Variants in ITGA11 observed in about 807,000 individuals in gnomAD.
ITGA11 encodes integrin subunit alpha 11.
ITGA11 carries 97 observed loss-of-function variants against 141.9 expected under a neutral mutation model. The ratio of observed to expected loss-of-function variants is 0.68; its 90% CI spans 0.58 to 0.81. The LOEUF (loss-of-function observed/expected upper bound fraction) is 0.81, where lower values mean the gene tolerates loss of function less well. Ranked by LOEUF, ITGA11 falls within the 30% of genes least tolerant of loss-of-function variation. ITGA11 has a pLI of 0.00. For missense variants in ITGA11, 1,387 were observed against 1,559.2 expected (o/e 0.89, Z 1.86); for synonymous variants, 658 against 624.6 (o/e 1.05, Z -0.80).
Position 68,357,173 on chromosome 15 carries a change from C to A in ITGA11, c.727G>T (p.Ala243Ser). The change falls in exon 7 of 30, where the codon GCA becomes TCA. Residue 243 changes from alanine (A) to serine (S), a missense_variant. Transcript: ENST00000315757. ...TACCGTGCAAATTCAATGCCAAATG[C>A]CGTCCGGGTCTCTGTTCCTCCTCTC... ...EQRGGTETRT[A>S]FGIEFARSEA... 1 of 1,613,106 alleles carries A rather than the reference C, an allele frequency of 6.2e-7. No homozygotes were observed.
In ITGA11 at chr15:68,364,938, G is replaced by C. The variant is rs531185413; in HGVS notation, c.266-140C>G. Reference sequence around the variant, plus strand: ...CCTCTGGCTCTCAGGGTTTACAAAGGCCTTCCCCAGACGTACTCTCAGGAC... The same window carrying C: ...CCTCTGGCTCTCAGGGTTTACAAAGCCCTTCCCCAGACGTACTCTCAGGAC... On this transcript the variant is annotated intron_variant, in intron 3 of 29. Transcript: ENST00000315757. 6.3e-5 allele frequency: 57 copies of C among 905,022 alleles called. No individual in the cohort carries two copies. The African/African-American group carries it at 8.6e-4, about 14-fold the overall frequency. The allele number at this position is 905,022 out of a possible 1,614,324, so 56.1% of individuals were successfully genotyped here. A position where few individuals can be genotyped will look rare whatever the true frequency, so the allele number is the denominator to read the frequency against.
intron 13 of ITGA11, 25 bp from the exon 14 acceptor site, chr15:68,332,087 G>C (rs1233743054): frequency 1.3e-6 from 2 of 1,557,708 alleles, no homozygotes; most frequent in South Asian, 1.2e-5. Flanking sequence ...GCAGAAAAAG[G>C]CTGGGGAGGG....
chr15:68,370,071 G>A (rs1895541382), intron 2 of ITGA11, among the ~76,000 whole-genome samples: 1 of 152,172 alleles, frequency 6.6e-6, no homozygotes, highest in South Asian at 2.1e-4. Context: ...CCAGAAGCTG[G>A]AAGAACCAAG....
intron 3 of ITGA11, chr15:68,365,132 C>A: frequency 1.0e-6 from 1 of 985,294 alleles, no homozygotes; most frequent in East Asian, 1.1e-4. Context: ...CCCAAGCATG[C>A]CATGGCATCC....
chr15:68,396,707 A>G (rs1191488583), intron 2 of ITGA11, among the ~76,000 whole-genome samples: 1 of 150,944 alleles, frequency 6.6e-6, no homozygotes, highest in Non-Finnish European at 1.5e-5. Flanking sequence ...GAAATAATAA[A>G]TGACTTTAGT....
At chr15:68,338,400 C>T (rs1894442134) in intron 11 of ITGA11, among the ~76,000 whole-genome samples, 1 of 152,262 alleles carries the variant, frequency 6.6e-6, no homozygotes. Context: ...GTCCTGCTTA[C>T]CACGGCACTT....
In ITGA11 at chr15:68,348,814, T is replaced by C. The variant is rs768815185; in HGVS notation, c.1131+16A>G. 6.2e-7 allele frequency: 1 copy of C among 1,601,714 alleles called. No individual in the cohort carries two copies. Among genetic ancestry groups the C allele is most frequent in the African/African-American group, 1.3e-5 (1 of 74,752 alleles). The stretch of plus-strand genomic sequence containing the variant: ...AGACAGAGGCTGGGCTCTGTGCCCG[T>C]ACCTCCACCACATACCTCCACCACG... On this transcript the variant is annotated intron_variant, in intron 10 of 29. Coordinates refer to ENST00000315757, the MANE Select transcript of ITGA11 (RefSeq NM_001004439.2).
intron 1 of ITGA11, among the ~76,000 whole-genome samples, chr15:68,417,708 A>G (rs1896919963): frequency 6.6e-6 from 1 of 152,144 alleles, no homozygotes. Context: ...TCTGTTCCTC[A>G]GATACACCAA....
Position 68,423,479 on chromosome 15 carries a change from A to G in ITGA11, c.52+8536T>C, listed in dbSNP as rs1023278401. ...TTAAGAAACTAAGAAGCTCAGTCTC[A>G]TTGGGGCTGCTGTTGGCGTGTGCAG... On this transcript the variant is annotated intron_variant, in intron 1 of 29. Transcript: ENST00000315757. 2.0e-5 allele frequency among the ~76,000 whole-genome samples: 3 copies of G among 152,296 alleles called. No individual in the cohort carries two copies. The South Asian group carries it at 6.2e-4, about 32-fold the overall frequency.
At chr15:68,422,492 A>G (rs1474214653) in intron 1 of ITGA11, among the ~76,000 whole-genome samples, 1 of 151,992 alleles carries the variant, frequency 6.6e-6, no homozygotes, top group African/African-American at 2.4e-5. Context: ...TGCAGTAGCC[A>G]TCTTATCATT....
chr15:68,325,183 G>A lies in ITGA11; in HGVS notation c.2270C>T (p.Pro757Leu). ...TFSVEYSLED[P>L]DHGPMLDDGW... ...GTCGTCCAGCATGGGGCCATGGTCA[G>A]GGTCCTCCAGGGAATACTCGACTGA... The change falls in exon 18 of 30, where the codon CCT becomes CTT. Residue 757 changes from proline (P) to leucine (L), a missense_variant. Coordinates refer to ENST00000315757, the MANE Select transcript of ITGA11 (RefSeq NM_001004439.2). The surrounding 1 kb of genome is among the most constrained non-coding windows in gnomAD (Gnocchi z 5.5). 1 of 1,613,992 alleles carries A rather than the reference G, an allele frequency of 6.2e-7. No homozygotes were observed. Among genetic ancestry groups the A allele is most frequent in the Non-Finnish European group, 8.5e-7 (1 of 1,179,888 alleles).
Position 68,323,560 on chromosome 15 carries a change from C to T in ITGA11, c.2322+1571G>A, listed in dbSNP as rs539937054. 2.6e-4 allele frequency among the ~76,000 whole-genome samples: 39 copies of T among 152,284 alleles called. No individual in the cohort carries two copies. In the South Asian group the frequency reaches 7.3e-3, roughly 28 times the overall value. ...TTGTAGAATGATGGGAAGAATGTGT[C>T]TCACTTGCTGGGGGCTAGAAATCCA... On this transcript the variant is annotated intron_variant, in intron 18 of 29. Coordinates refer to ENST00000315757, the MANE Select transcript of ITGA11 (RefSeq NM_001004439.2).
At chr15:68,416,907 C>T (rs917043421) in intron 1 of ITGA11, among the ~76,000 whole-genome samples, 3 of 152,140 alleles carry the variant, frequency 2.0e-5, no homozygotes, top group Admixed American at 6.5e-5. Context: ...CATATGGAGA[C>T]CCCATCTCCG....
At chr15:68,424,766 T>C (rs1314697069) in intron 1 of ITGA11, among the ~76,000 whole-genome samples, 1 of 152,208 alleles carries the variant, frequency 6.6e-6, no homozygotes, top group Non-Finnish European at 1.5e-5. Flanking sequence ...GAATTTTAAG[T>C]CCCAGCTTCT....
In ITGA11 at chr15:68,386,758, C is replaced by T. The variant is rs114617105; in HGVS notation, c.164+16160G>A. 8.0e-3 allele frequency among the ~76,000 whole-genome samples: 1,212 copies of T among 152,286 alleles called. 16 individuals carry two copies. The highest frequency in any genetic ancestry group is 0.026 in the African/African-American group (1,089 of 41,548). ...CTGCTCTTGTACCCTTCTCTGTGCA[C>T]ACTCTCCTTGCCCAGCCTTGGGAGT... On this transcript the variant is annotated intron_variant, in intron 2 of 29. Transcript: ENST00000315757.
chr15:68,357,489 G>C (rs944506238), intron 6 of ITGA11, among the ~76,000 whole-genome samples, 190 bp from the exon 7 acceptor site: 1 of 152,200 alleles, frequency 6.6e-6, no homozygotes, highest in African/African-American at 2.4e-5. Flanking sequence ...GGAATGAATG[G>C]ACAGCTTGGT....
At chr15:68,313,739 C>G (rs568279374) in intron 23 of ITGA11, 40 bp downstream of exon 23, 1 of 1,522,572 alleles carries the variant, frequency 6.6e-7, no homozygotes, top group African/African-American at 1.4e-5. Context: ...TCCCATTCCC[C>G]ATGCCTTCCC....
chr15:68,306,483 C>T (rs1177574606), intron 28 of ITGA11, among the ~76,000 whole-genome samples: 3 of 152,310 alleles, frequency 2.0e-5, no homozygotes, highest in East Asian at 3.9e-4. Flanking sequence ...CGCTCCCCTC[C>T]GGGCCTGTGC....
intron 20 of ITGA11, among the ~76,000 whole-genome samples, chr15:68,319,443 G>A (rs1893715639): frequency 6.6e-6 from 1 of 152,276 alleles, no homozygotes; most frequent in South Asian, 2.1e-4. Flanking sequence ...GGAGTCCCAG[G>A]TGGGGGCCAT....
Sources: gnomAD v4.1 joint callset for allele counts (sites outside exome capture counted in the v4.1 genomes callset) on GRCh38, gnomAD v4.1.1 for gene constraint, Gnocchi (gnomAD v3.1) non-coding constraint, MANE v1.5 for transcripts, NCBI Gene and HGNC (gene_info 2026-07-23, HGNC 2026-07-21) for gene names.